The following DGKI variants were observed in gnomAD, a reference collection of about 807,000 sequenced individuals.
The protein encoded by DGKI is diacylglycerol kinase iota, also known as DAG kinase iota.
A neutral mutation model predicts 147.5 loss-of-function variants in DGKI; 55 were observed. The observed-to-expected ratio is 0.37, with a 90% CI of 0.30 to 0.47. The LOEUF (loss-of-function observed/expected upper bound fraction) is 0.47, where lower values mean the gene tolerates loss of function less well. DGKI is among the 20% of genes least tolerant of loss of function. The pLI, the probability that DGKI is intolerant of heterozygous loss-of-function variation, is 1.00. For synonymous variants in DGKI, 469 were observed against 477.1 expected (o/e 0.98, Z 0.22); for missense variants, 1,007 against 1,323.8 (o/e 0.76, Z 3.71).
At chr7:137,833,504 G>A (rs1798276995) in intron 1 of DGKI, among the ~76,000 whole-genome samples, 1 of 151,980 alleles carries the variant, frequency 6.6e-6, no homozygotes, top group African/African-American at 2.4e-5. Context: ...CCTCCCACTG[G>A]GTCCCTCCCA....
intron 30 of DGKI, among the ~76,000 whole-genome samples, chr7:137,399,323 C>T (rs180917463): frequency 2.1e-5 from 3 of 142,118 alleles, no homozygotes; most frequent in Admixed American, 2.1e-4. Flanking sequence ...CTTCTAGCAC[C>T]TACCCTATAT....
At chr7:137,568,841 T>C (rs1356198175) in intron 19 of DGKI, among the ~76,000 whole-genome samples, 1 of 151,900 alleles carries the variant, frequency 6.6e-6, no homozygotes, top group Non-Finnish European at 1.5e-5. Context: ...TGCTCCTATA[T>C]AATTAGTGTA....
At chr7:137,653,057 C>G (rs1307526795) in intron 5 of DGKI, among the ~76,000 whole-genome samples, 4 of 152,208 alleles carry the variant, frequency 2.6e-5, no homozygotes, top group African/African-American at 9.7e-5. Context: ...ACCTCCCCAG[C>G]CCATCCTCAA....
intron 1 of DGKI, among the ~76,000 whole-genome samples, chr7:137,697,081 T>C (rs755975766): frequency 2.0e-5 from 3 of 152,138 alleles, no homozygotes; most frequent in Admixed American, 6.5e-5. Context: ...TGCCGACATT[T>C]TGATCATAGA....
chr7:137,532,827 G>T (rs1415242121), intron 20 of DGKI, among the ~76,000 whole-genome samples: 3 of 152,010 alleles, frequency 2.0e-5, no homozygotes, highest in Non-Finnish European at 4.4e-5. Context: ...TTATTTCTTG[G>T]AAACATTCTT....
At chr7:137,794,033 T>C (rs1322212394) in intron 1 of DGKI, among the ~76,000 whole-genome samples, 4 of 152,186 alleles carry the variant, frequency 2.6e-5, no homozygotes, top group Admixed American at 2.0e-4. Context: ...CTTCCTACTA[T>C]TCAGTTTGAA....
intron 27 of DGKI, among the ~76,000 whole-genome samples, chr7:137,453,990 C>G (rs1161937): frequency 0.81 from 123,064 of 151,452 alleles, 51,253 homozygotes; most frequent in Non-Finnish European, 0.9. Context: ...TAGCACTGTT[C>G]AGGTTGGGGA....
At chr7:137,843,404 C>T in intron 1 of DGKI, 1 of 985,180 alleles carries the variant, frequency 1.0e-6, no homozygotes, top group South Asian at 4.7e-5. Context: ...ACTCGCACTG[C>T]CTTTTCAAAC....
At chr7:137,404,572 T>C (rs1811872871) in intron 30 of DGKI, among the ~76,000 whole-genome samples, 1 of 152,172 alleles carries the variant, frequency 6.6e-6, no homozygotes, top group Non-Finnish European at 1.5e-5. Flanking sequence ...ATCTCCACAG[T>C]CTTTCTTCCT....
At chr7:137,625,744 A>T (rs1281398594) in intron 6 of DGKI, among the ~76,000 whole-genome samples, 13 of 108,770 alleles carry the variant, frequency 1.2e-4, no homozygotes, top group Middle Eastern at 4.3e-3. Flanking sequence ...TATTAAAATT[A>T]AAAAAAAAAA....
chr7:137,661,398 G>C (rs1320574696), intron 3 of DGKI, among the ~76,000 whole-genome samples: 1 of 152,144 alleles, frequency 6.6e-6, no homozygotes, highest in African/African-American at 2.4e-5. Context: ...AGTGAGCAAA[G>C]GGATGACAGC....
At chr7:137,591,856 C>G (rs1368165144) in intron 12 of DGKI, among the ~76,000 whole-genome samples, 1 of 152,202 alleles carries the variant, frequency 6.6e-6, no homozygotes, top group Admixed American at 6.5e-5. Flanking sequence ...CTTCCCATTT[C>G]TCCACTTAAA....
At chr7:137,530,417 TATC>T (rs1283789493) in intron 20 of DGKI, among the ~76,000 whole-genome samples, 1 of 152,130 alleles carries the variant, frequency 6.6e-6, no homozygotes, top group African/African-American at 2.4e-5. Context: ...ACCAAGTTAA[TATC>T]ATCTTGCACC....
intron 1 of DGKI, among the ~76,000 whole-genome samples, chr7:137,748,449 A>C (rs1488343611): frequency 2.0e-5 from 3 of 152,176 alleles, no homozygotes; most frequent in Non-Finnish European, 4.4e-5. Context: ...ATTCATACAT[A>C]TATCTATAGA....
At position 137,444,063 on chromosome 7, in the gene DGKI, C is replaced by A. The variant is rs1198112856; in HGVS notation, c.2761+14G>T. 1 of 1,560,234 alleles carries A rather than the reference C, an allele frequency of 6.4e-7. No individual in the cohort carries two copies. Among genetic ancestry groups the A allele is most frequent in the Non-Finnish European group, 8.7e-7 (1 of 1,152,374 alleles). On this transcript the variant is annotated intron_variant, in intron 28 of 32. Transcript: ENST00000614521. ...CAATCCTGAATTGGTATAAATAAGA[C>A]AGATGATTCTTACCATGATCTTCTG...
At chr7:137,437,989 C>T (rs1813345853) in intron 28 of DGKI, among the ~76,000 whole-genome samples, 1 of 151,940 alleles carries the variant, frequency 6.6e-6, no homozygotes, top group Non-Finnish European at 1.5e-5. Flanking sequence ...AAAAATTTTA[C>T]AAGACAATAT....
intron 1 of DGKI, among the ~76,000 whole-genome samples, chr7:137,787,344 T>C (rs1796704462): frequency 6.6e-6 from 1 of 152,036 alleles, no homozygotes; most frequent in Admixed American, 6.6e-5. Context: ...GATATACAAA[T>C]GACCAACAAG....
At position 137,440,132 on chromosome 7, in the gene DGKI, T is replaced by G. The variant is rs529623469; in HGVS notation, c.2761+3945A>C. ...CCAGGAGATGGCTCCAGGAGCAATTTAAATGACGAAGTGATAGGCATTCAA... is the reference window on the plus strand; with the variant it reads ...CCAGGAGATGGCTCCAGGAGCAATTGAAATGACGAAGTGATAGGCATTCAA... On this transcript the variant is annotated intron_variant, in intron 28 of 32. Transcript: ENST00000614521. 2.7e-3 allele frequency among the ~76,000 whole-genome samples: 415 copies of G among 152,234 alleles called. 2 individuals are homozygous for G. The highest frequency in any genetic ancestry group is 9.5e-3 in the African/African-American group (394 of 41,562).
intron 20 of DGKI, among the ~76,000 whole-genome samples, chr7:137,532,425 T>C (rs1817372295): frequency 6.6e-6 from 1 of 152,220 alleles, no homozygotes; most frequent in Non-Finnish European, 1.5e-5. Flanking sequence ...TCTCCTAAAA[T>C]CTGAGTATCA....
Sources: gnomAD v4.1 joint callset for allele counts (sites outside exome capture counted in the v4.1 genomes callset) on GRCh38, gnomAD v4.1.1 for gene constraint, MANE v1.5 for transcripts, NCBI Gene and HGNC (gene_info 2026-07-23, HGNC 2026-07-21) for gene names.